The following ARPP19 variants were observed in gnomAD, a reference collection of about 807,000 sequenced individuals.
The protein encoded by ARPP19 is cAMP-regulated phosphoprotein 19.
A neutral mutation model predicts 12.0 loss-of-function variants in ARPP19; 8 were observed. The ratio of observed to expected loss-of-function variants is 0.67; its 90% CI spans 0.39 to 1.21. The LOEUF (loss-of-function observed/expected upper bound fraction) is 1.21. Among genes scored for constraint, ARPP19 ranks in the 50% most tolerant of loss-of-function variants. ARPP19 has a pLI of 0.01. For missense variants in ARPP19, 102 were observed against 136.3 expected (o/e 0.75, Z 1.25); for synonymous variants, 47 against 50.4 (o/e 0.93, Z 0.29).
At chr15:52,563,502 A>AT (rs1044815521) in intron 1 of ARPP19, among the ~76,000 whole-genome samples, 3 of 152,190 alleles carry the variant, frequency 2.0e-5, no homozygotes, top group African/African-American at 7.2e-5. Flanking sequence ...CGGCATGTGC[A>AT]TTTTTGTGAA....
intron 2 of ARPP19, among the ~76,000 whole-genome samples, chr15:52,556,556 A>G (rs1425306223): frequency 2.0e-5 from 3 of 152,196 alleles, no homozygotes; most frequent in Non-Finnish European, 4.4e-5. Context: ...AACATATTAC[A>G]TAAAGGAGAT....
intron 1 of ARPP19, chr15:52,564,136 C>G (rs1019145004): frequency 9.8e-6 from 13 of 1,325,570 alleles, no homozygotes; most frequent in Non-Finnish European, 1.4e-5. Flanking sequence ...ACTGTTGTAT[C>G]GCAAACTGCT....
intron 1 of ARPP19, among the ~76,000 whole-genome samples, chr15:52,560,302 C>A (rs1276161207): frequency 6.6e-6 from 1 of 152,086 alleles, no homozygotes; most frequent in African/African-American, 2.4e-5. Flanking sequence ...AGCCGCATTC[C>A]CTTGTTTTCT....
intron 1 of ARPP19, among the ~76,000 whole-genome samples, chr15:52,563,362 C>A: frequency 6.6e-6 from 1 of 152,192 alleles, no homozygotes; most frequent in South Asian, 2.1e-4. Flanking sequence ...TGGCTACAAG[C>A]TGGGAAAGGA....
chr15:52,564,310 G>A (rs769171804), intron 1 of ARPP19: 139 of 1,215,128 alleles, frequency 1.1e-4, no homozygotes, highest in Non-Finnish European at 1.5e-4. Context: ...GCTACTTGGA[G>A]GCTGAGGTGG....
rs771466329 is a variant in ARPP19 at position 52,557,204 on chromosome 15, T to A, written c.64A>T (p.Thr22Ser). The change falls in exon 2 of 3, where the codon ACT becomes TCT. Residue 22 changes from threonine (T) to serine (S), a missense_variant. Transcript: ENST00000249822. ...GCTTCTTCTGCTTTCTCTGGACTAG[T>A]CACTTTATCTTCCATTTCCTAAAAT... ...EEQKEMEDKV[T>S]SPEKAEEAKL... 5 of 1,602,428 alleles carry A rather than the reference T, an allele frequency of 3.1e-6. No individual in the cohort carries two copies. The Admixed American group carries it at 8.4e-5, about 27-fold the overall frequency.
intron 1 of ARPP19, among the ~76,000 whole-genome samples, chr15:52,562,862 G>GA (rs1469798323): frequency 8.2e-6 from 1 of 121,442 alleles, no homozygotes; most frequent in Non-Finnish European, 1.6e-5. Flanking sequence ...GCAAGCTTAA[G>GA]AAGTTTTTTT....
In ARPP19 at chr15:52,557,114, G is replaced by A. The variant is rs767187065; in HGVS notation, c.154C>T (p.Arg52Trp). 8 of 1,611,634 alleles carry A rather than the reference G, an allele frequency of 5.0e-6. No homozygotes were observed. The highest frequency in any genetic ancestry group is 5.9e-6 in the Non-Finnish European group (7 of 1,179,746). ...TGAGAACTTACCCCTTTCTGCAACC[G>A]TTTCCTTAAGAAATCTGAACCTCCA... ...KPGGSDFLRK[R>W]LQKGQKYFDS... The change falls in exon 2 of 3, where the codon CGG (arginine) becomes TGG (tryptophan). Residue 52 changes from arginine to tryptophan, a missense_variant. Physicochemically the swap from Arg to Trp is moderately radical, Grantham distance 101. Transcript: ENST00000249822.
chr15:52,565,409 T>C (rs763143522), intron 1 of ARPP19, among the ~76,000 whole-genome samples: 8 of 152,224 alleles, frequency 5.3e-5, no homozygotes, highest in Non-Finnish European at 1.0e-4. Context: ...GATAGATTCA[T>C]GAGATCTGTA....
chr15:52,554,427 T>C (rs2077963304), intron 2 of ARPP19, among the ~76,000 whole-genome samples: 1 of 116,074 alleles, frequency 8.6e-6, no homozygotes, highest in African/African-American at 3.1e-5. Flanking sequence ...AGAAAGAAGC[T>C]AATGCTTTAA....
chr15:52,552,583 CAAAAAAAAAAAAAA>C (rs10600080), intron 2 of ARPP19, among the ~76,000 whole-genome samples: 20 of 59,684 alleles, frequency 3.4e-4, no homozygotes, highest in Admixed American at 3.1e-3. Flanking sequence ...GACTGTCTCA[CAAAAAAAAAAAAAA>C]AAAAAAAAAA....
At chr15:52,557,272 A>G in intron 1 of ARPP19, 50 bp from the exon 2 acceptor site, 2 of 1,432,702 alleles carry the variant, frequency 1.4e-6, no homozygotes, top group Non-Finnish European at 1.9e-6. Context: ...CAGTTATTTA[A>G]AATAATTCAC....
At chr15:52,564,271 T>A in intron 1 of ARPP19, 1 of 1,520,878 alleles carries the variant, frequency 6.6e-7, no homozygotes. Flanking sequence ...AAAACATGGA[T>A]GAGGCGGTTG....
intron 1 of ARPP19, among the ~76,000 whole-genome samples, chr15:52,561,780 G>C (rs947204887): frequency 7.1e-6 from 1 of 141,092 alleles, no homozygotes; most frequent in African/African-American, 2.6e-5. Context: ...CTGGATTAAG[G>C]AAAAAAAAAA....
chr15:52,553,584 C>T (rs945745849), intron 2 of ARPP19, among the ~76,000 whole-genome samples: 2 of 152,178 alleles, frequency 1.3e-5, no homozygotes, highest in Non-Finnish European at 2.9e-5. Flanking sequence ...AATTACAATA[C>T]TGCCTTAAGC....
intron 2 of ARPP19, among the ~76,000 whole-genome samples, chr15:52,552,493 C>A (rs1041287566): frequency 6.2e-5 from 9 of 146,024 alleles, no homozygotes; most frequent in African/African-American, 1.0e-4. Flanking sequence ...GAGGTTGAGG[C>A]TTAAGAGTCA....
At chr15:52,556,284 T>C (rs1343706830) in intron 2 of ARPP19, among the ~76,000 whole-genome samples, 1 of 152,104 alleles carries the variant, frequency 6.6e-6, no homozygotes, top group African/African-American at 2.4e-5. Flanking sequence ...CTTCCGTAAG[T>C]AGTATTTCAT....
intron 1 of ARPP19, among the ~76,000 whole-genome samples, chr15:52,563,347 G>A (rs1566898138): frequency 6.6e-6 from 1 of 152,062 alleles, no homozygotes; most frequent in East Asian, 1.9e-4. Context: ...TGAACTTTTG[G>A]CTATTGGCTA....
chr15:52,562,613 A>AC (rs2078044703), intron 1 of ARPP19, among the ~76,000 whole-genome samples: 2 of 151,628 alleles, frequency 1.3e-5, no homozygotes, highest in Non-Finnish European at 2.9e-5. Context: ...CCTGGGAGAC[A>AC]GAGTGAGACC....
Sources: allele counts gnomAD v4.1 joint callset (sites outside exome capture counted in the v4.1 genomes callset), GRCh38; gene constraint gnomAD v4.1.1; transcripts MANE v1.5; gene names NCBI Gene and HGNC (gene_info 2026-07-23, HGNC 2026-07-21).